Variants in NGF observed in about 807,000 individuals in gnomAD.
The protein encoded by NGF is nerve growth factor.
NGF carries 4 observed loss-of-function variants against 12.8 expected under a neutral mutation model. The ratio of observed to expected loss-of-function variants is 0.31; its 90% CI spans 0.15 to 0.72. The LOEUF (loss-of-function observed/expected upper bound fraction) is 0.72, where lower values mean the gene tolerates loss of function less well. NGF is among the 30% of genes least tolerant of loss of function. NGF has a pLI of 0.69. For missense variants in NGF, 283 were observed against 330.8 expected (o/e 0.86, Z 1.12); for synonymous variants, 140 against 130.0 (o/e 1.08, Z -0.52).
intron 1 of NGF, among the ~76,000 whole-genome samples, chr1:115,328,439 G>A (rs1654830324): frequency 6.6e-6 from 1 of 152,138 alleles, no homozygotes; most frequent in African/African-American, 2.4e-5. Flanking sequence ...CTGGAGTTAG[G>A]ATCAGGGTTT....
At chr1:115,287,333 GTGCA>G (rs1393980282) in intron 2 of NGF, among the ~76,000 whole-genome samples, 2 of 152,288 alleles carry the variant, frequency 1.3e-5, no homozygotes, top group East Asian at 3.9e-4. Flanking sequence ...CTTTCAGACA[GTGCA>G]CTGGGTCAGC....
intron 1 of NGF, among the ~76,000 whole-genome samples, chr1:115,328,762 G>T (rs1213765749): frequency 6.6e-6 from 1 of 152,178 alleles, no homozygotes; most frequent in African/African-American, 2.4e-5. Flanking sequence ...GCCATGAAAG[G>T]CCATGCTACC....
chr1:115,308,838 G>A (rs1475286727), intron 1 of NGF, among the ~76,000 whole-genome samples: 1 of 152,230 alleles, frequency 6.6e-6, no homozygotes, highest in East Asian at 1.9e-4. Flanking sequence ...CCACAAATGA[G>A]TATGTGAGGC....
At chr1:115,300,290 A>G (rs1653997222) in intron 1 of NGF, among the ~76,000 whole-genome samples, 1 of 152,168 alleles carries the variant, frequency 6.6e-6, no homozygotes, top group Admixed American at 6.5e-5. Flanking sequence ...GACACAGGGG[A>G]TTCTAGTGCT....
At chr1:115,321,951 TA>T (rs1654643130) in intron 1 of NGF, among the ~76,000 whole-genome samples, 1 of 152,214 alleles carries the variant, frequency 6.6e-6, no homozygotes, top group African/African-American at 2.4e-5. Context: ...GCTGCAGAAT[TA>T]GCTTGAGATA....
At chr1:115,331,184 C>T (rs1412917263) in intron 1 of NGF, among the ~76,000 whole-genome samples, 1 of 152,164 alleles carries the variant, frequency 6.6e-6, no homozygotes, top group African/African-American at 2.4e-5. Context: ...CTCTCCTTTC[C>T]CCTTCACAAT....
intron 1 of NGF, among the ~76,000 whole-genome samples, chr1:115,330,151 C>T (rs1654878629): frequency 6.6e-6 from 1 of 152,176 alleles, no homozygotes; most frequent in Non-Finnish European, 1.5e-5. Context: ...TGGGCAGCAT[C>T]TCGCTTCTGA....
Position 115,286,706 on chromosome 1 carries a change from G to A in NGF, c.90C>T (p.His30=), listed in dbSNP as rs745630230. 1.9e-6 allele frequency: 3 copies of A among 1,614,112 alleles called. No individual in the cohort carries two copies. The African/African-American group carries it at 4.0e-5, about 22-fold the overall frequency. ...TAGTCCAGTGGGCTTGGGGGATGGT[G>A]TGTCCTGCAGGGACATTGCTCTCTG... ...PHSESNVPAG[H]TIPQAHWTKL... is the part of the protein sequence containing the mutation. Residue 30 remains histidine (H), a synonymous_variant, in exon 3 of 3, where the codon CAC becomes CAT. Coordinates refer to ENST00000369512, the MANE Select transcript of NGF (RefSeq NM_002506.3).
At chr1:115,331,225 C>T (rs959639372) in intron 1 of NGF, among the ~76,000 whole-genome samples, 1 of 152,172 alleles carries the variant, frequency 6.6e-6, no homozygotes, top group Non-Finnish European at 1.5e-5. Context: ...CATCATGATT[C>T]CCTTTTACAG....
chr1:115,337,256 G>GTTTTTTTTTTTTT (rs1364127314), intron 1 of NGF, among the ~76,000 whole-genome samples: 2 of 27,200 alleles, frequency 7.4e-5, no homozygotes, highest in Admixed American at 2.7e-4. Flanking sequence ...AATTTTTTTT[G>GTTTTTTTTTTTTT]TTTTGTTTTT....
At chr1:115,290,676 G>A (rs111325077) in intron 2 of NGF, among the ~76,000 whole-genome samples, 1,635 of 152,244 alleles carry the variant, frequency 0.011, 39 homozygotes, top group African/African-American at 0.038. Context: ...ATAGGCGTAA[G>A]CCACCACGCC....
chr1:115,301,086 C>G (rs774859177), intron 1 of NGF, among the ~76,000 whole-genome samples: 1 of 152,106 alleles, frequency 6.6e-6, no homozygotes, highest in African/African-American at 2.4e-5. Flanking sequence ...TCAGAATATT[C>G]CCAGTCTTTT....
At chr1:115,325,939 T>TA (rs756183436) in intron 1 of NGF, among the ~76,000 whole-genome samples, 167 of 152,000 alleles carry the variant, frequency 1.1e-3, no homozygotes, top group Non-Finnish European at 2.1e-3. Context: ...GCTTGGGGGT[T>TA]AAAAAAAATT....
intron 2 of NGF, 78 bp from the exon 3 acceptor site, chr1:115,286,885 T>A: frequency 6.4e-7 from 1 of 1,555,646 alleles, no homozygotes; most frequent in Non-Finnish European, 8.8e-7. Context: ...TCCCTCAGAG[T>A]TGACCTCCCA....
At chr1:115,310,098 G>A (rs1011285115) in intron 1 of NGF, among the ~76,000 whole-genome samples, 1 of 152,200 alleles carries the variant, frequency 6.6e-6, no homozygotes, top group Non-Finnish European at 1.5e-5. Context: ...AAACTGTGAA[G>A]ACAGTAAGAA....
At chr1:115,296,496 T>C (rs1231532306) in intron 1 of NGF, among the ~76,000 whole-genome samples, 1 of 152,210 alleles carries the variant, frequency 6.6e-6, no homozygotes, top group Non-Finnish European at 1.5e-5. Flanking sequence ...TCTGCATTCT[T>C]CGGGTGTCTA....
intron 2 of NGF, among the ~76,000 whole-genome samples, chr1:115,292,433 A>G (rs1653730461): frequency 6.6e-6 from 1 of 152,174 alleles, no homozygotes; most frequent in South Asian, 2.1e-4. Flanking sequence ...GTCTGGTAGG[A>G]GGACACTAAG....
intron 1 of NGF, among the ~76,000 whole-genome samples, chr1:115,322,819 A>G (rs909891380): frequency 6.6e-6 from 1 of 152,176 alleles, no homozygotes; most frequent in Non-Finnish European, 1.5e-5. Flanking sequence ...GACCTTCTGC[A>G]TTCCTTGCAT....
intron 1 of NGF, among the ~76,000 whole-genome samples, chr1:115,331,607 G>C (rs1424405231): frequency 6.6e-6 from 1 of 152,206 alleles, no homozygotes. Context: ...CAGTCTCAAA[G>C]TTTTGGCTTT....
Sources: allele counts gnomAD v4.1 joint callset (sites outside exome capture counted in the v4.1 genomes callset), GRCh38; gene constraint gnomAD v4.1.1; transcripts MANE v1.5; gene names NCBI Gene and HGNC (gene_info 2026-07-23, HGNC 2026-07-21).